The following ZNHIT6 variants were observed in gnomAD, a reference collection of about 807,000 sequenced individuals.
The protein encoded by ZNHIT6 is box C/D snoRNA protein 1.
A neutral mutation model predicts 57.2 loss-of-function variants in ZNHIT6; 45 were observed. The ratio of observed to expected loss-of-function variants is 0.79; its 90% CI spans 0.62 to 1.01. ZNHIT6 has a LOEUF of 1.01. Among genes scored for constraint, ZNHIT6 ranks in the 50% least tolerant of loss-of-function variants. The pLI is 0.00. For missense variants in ZNHIT6, 528 were observed against 567.3 expected, an observed-to-expected ratio of 0.93 and a Z score of 0.70; for synonymous variants, 188 against 190.0, an observed-to-expected ratio of 0.99 and a Z score of 0.09.
In ZNHIT6 at chr1:85,677,417, T is replaced by C. The variant is rs192687713; in HGVS notation, c.1170-104A>G. ...GTACCTAATAATACTTAAAAGTTCA[T>C]GTATTTAAGCATAGAAAAGGAGATA... On this transcript the variant is annotated intron_variant, in intron 7 of 9. Coordinates refer to ENST00000370574, the MANE Select transcript of ZNHIT6 (RefSeq NM_017953.4). 642 of 787,896 alleles carry C rather than the reference T, an allele frequency of 8.1e-4. 7 individuals are homozygous for C. The South Asian group carries it at 0.019, about 23-fold the overall frequency. The allele number at this position is 787,896 out of a possible 1,614,324, so 48.8% of individuals were successfully genotyped here.
intron 5 of ZNHIT6, among the ~76,000 whole-genome samples, chr1:85,691,478 A>T (rs1434804071): frequency 1.3e-5 from 2 of 152,254 alleles, no homozygotes; most frequent in Non-Finnish European, 2.9e-5. Flanking sequence ...GACAAATTTC[A>T]TCTACTGGCA....
chr1:85,682,070 G>A (rs1248966210), intron 5 of ZNHIT6, among the ~76,000 whole-genome samples: 3 of 143,906 alleles, frequency 2.1e-5, no homozygotes, highest in African/African-American at 5.2e-5. Flanking sequence ...CTAGAGTGCA[G>A]TGGCATGATC....
chr1:85,687,835 T>C (rs114271404), intron 5 of ZNHIT6, among the ~76,000 whole-genome samples: 20 of 152,202 alleles, frequency 1.3e-4, no homozygotes, highest in Non-Finnish European at 2.2e-4. Flanking sequence ...ATTAGAAATG[T>C]CTACAGGTTC....
chr1:85,656,924 C>T (rs941683556), intron 9 of ZNHIT6, among the ~76,000 whole-genome samples: 46 of 152,184 alleles, frequency 3.0e-4, no homozygotes, highest in African/African-American at 1.1e-3. Context: ...GCTGGTATAA[C>T]AATAAAACTT....
In ZNHIT6 at chr1:85,675,120, C is replaced by T. The variant is rs78138816; in HGVS notation, c.1247+2116G>A. On this transcript the variant is annotated intron_variant, in intron 8 of 9. Transcript: ENST00000370574. ...TCCCCAAAGGGAGCAGTTAAGGAAA[C>T]TGCTCTCATGCCATTGCATAGAAAG... Among the ~76,000 whole-genome samples, 605 of 152,272 alleles carry T rather than the reference C, an allele frequency of 4.0e-3. 5 individuals are homozygous for T. The highest frequency in any genetic ancestry group is 0.014 in the African/African-American group (581 of 41,546).
chr1:85,681,016 T>A lies in ZNHIT6; in HGVS notation c.1020-112A>T, dbSNP rs936083796. On this transcript the variant is annotated intron_variant, in intron 5 of 9. Transcript: ENST00000370574. ...TAATTCCAAAATTATTCTTAGACTTTAACATATATTTTCTATTAAGAGCTA... is the reference window on the plus strand; with the variant it reads ...TAATTCCAAAATTATTCTTAGACTTAAACATATATTTTCTATTAAGAGCTA... The A allele has an allele frequency of 2.8e-5, 20 of 708,386 alleles. 1 individual carries two copies. In the South Asian group the frequency reaches 3.3e-4, roughly 12 times the overall value. The allele number at this position is 708,386 out of a possible 1,614,324, so 43.9% of individuals were successfully genotyped here.
intron 5 of ZNHIT6, among the ~76,000 whole-genome samples, chr1:85,701,108 T>C (rs1443416776): frequency 6.6e-6 from 1 of 152,252 alleles, no homozygotes; most frequent in Admixed American, 6.5e-5. Flanking sequence ...AAAACCATTT[T>C]TACAAATGTT....
chr1:85,659,919 T>C (rs572357258), intron 8 of ZNHIT6, among the ~76,000 whole-genome samples: 3 of 152,314 alleles, frequency 2.0e-5, no homozygotes, highest in East Asian at 1.9e-4. Flanking sequence ...GAAAAGAAAC[T>C]TGAAATGCAA....
chr1:85,696,203 C>G (rs1662366593), intron 5 of ZNHIT6, among the ~76,000 whole-genome samples: 2 of 148,742 alleles, frequency 1.3e-5, no homozygotes, highest in African/African-American at 5.0e-5. Context: ...GAGACAGGGT[C>G]TCACTCTGTC....
chr1:85,674,783 C>A (rs1026217641), intron 8 of ZNHIT6, among the ~76,000 whole-genome samples: 1 of 152,094 alleles, frequency 6.6e-6, no homozygotes, highest in African/African-American at 2.4e-5. Context: ...TCTCACAAGC[C>A]TACTAAGAGA....
intron 8 of ZNHIT6, among the ~76,000 whole-genome samples, chr1:85,659,040 A>C (rs571223072): frequency 1.3e-3 from 195 of 152,328 alleles, no homozygotes; most frequent in African/African-American, 4.6e-3. Context: ...ATAACTGGTT[A>C]CAAAATTGGC....
intron 8 of ZNHIT6, among the ~76,000 whole-genome samples, chr1:85,662,631 ATAGT>A (rs1229520180): frequency 1.3e-5 from 2 of 152,216 alleles, no homozygotes; most frequent in Non-Finnish European, 2.9e-5. Context: ...GGATTTTGCC[ATAGT>A]TAATCTTTTT....
In ZNHIT6 at chr1:85,708,406, A is replaced by G. The variant is rs1422526778; in HGVS notation, c.-122T>C. ...CCACGTGTGGAGCCAAGCAGCCACA[A>G]ACCCGGAATAGCCTGCTTGACGCGA... is the stretch of plus-strand genomic sequence containing the variant. On this transcript the variant is annotated 5_prime_UTR_variant, in exon 1 of 10. Coordinates refer to ENST00000370574, the MANE Select transcript of ZNHIT6 (RefSeq NM_017953.4). 3.3e-5 allele frequency: 42 copies of G among 1,267,308 alleles called. No homozygotes were observed. Among genetic ancestry groups the G allele is most frequent in the Non-Finnish European group, 4.3e-5 (40 of 932,420 alleles). The allele number at this position is 1,267,308 out of a possible 1,614,324, so 78.5% of individuals were successfully genotyped here. A position where few individuals can be genotyped will look rare whatever the true frequency, so the allele number is the denominator to read the frequency against.
intron 8 of ZNHIT6, among the ~76,000 whole-genome samples, chr1:85,661,367 T>A (rs183579848): frequency 6.6e-6 from 1 of 152,324 alleles, no homozygotes; most frequent in East Asian, 1.9e-4. Context: ...CTTCAGAGAG[T>A]TACTGTGAGG....
rs1199143063 is a variant in ZNHIT6 at position 85,708,068 on chromosome 1, T to C, written c.217A>G (p.Met73Val). 3 of 1,614,068 alleles carry C rather than the reference T, an allele frequency of 1.9e-6. No individual in the cohort carries two copies. The highest frequency in any genetic ancestry group is 3.3e-5 in the Admixed American group (2 of 59,996). ...GSGQRPEEIP[M>V]DLTVVKQEII... ...TCCTGCTTCACTACCGTTAGGTCCA[T>C]CGGTATTTCCTCTGGCCTTTGTCCA... Residue 73 changes from methionine (M) to valine (V), a missense_variant, in exon 1 of 10, where the codon ATG becomes GTG. By Grantham distance (21) the Met-to-Val change is conservative (BLOSUM62 1). Transcript: ENST00000370574.
At chr1:85,676,336 C>CAA (rs754000429) in intron 8 of ZNHIT6, among the ~76,000 whole-genome samples, 12 of 54,370 alleles carry the variant, frequency 2.2e-4, no homozygotes, top group African/African-American at 6.2e-4. Flanking sequence ...AACTCCGTCT[C>CAA]AAAAAAAAAA....
chr1:85,677,394 AC>A (rs1661734389), intron 7 of ZNHIT6, 81 bp from the exon 8 acceptor site: 2 of 1,010,320 alleles, frequency 2.0e-6, no homozygotes, highest in African/African-American at 1.6e-5. Flanking sequence ...AAGCATTTGT[AC>A]CTAATAATAC....
chr1:85,667,931 C>G (rs550239689), intron 8 of ZNHIT6, among the ~76,000 whole-genome samples: 90 of 43,384 alleles, frequency 2.1e-3, no homozygotes, highest in African/African-American at 8.8e-3. Context: ...GAGACTCATT[C>G]ACTCACTCTC....
chr1:85,680,207 A>G (rs917129492), intron 6 of ZNHIT6, among the ~76,000 whole-genome samples: 1 of 152,104 alleles, frequency 6.6e-6, no homozygotes, highest in African/African-American at 2.4e-5. Context: ...TCCTGCCCCC[A>G]CTCCCCTCCA....
Sources: gnomAD v4.1 joint callset for allele counts (sites outside exome capture counted in the v4.1 genomes callset) on GRCh38, gnomAD v4.1.1 for gene constraint, MANE v1.5 for transcripts, NCBI Gene and HGNC (gene_info 2026-07-23, HGNC 2026-07-21) for gene names.